The following GNAI1 variants were observed in gnomAD, a reference collection of about 807,000 sequenced individuals.
GNAI1 encodes guanine nucleotide-binding protein G(i) subunit alpha-1.
Under a neutral mutation model 38.9 loss-of-function variants are expected in GNAI1, and 11 were observed. That is an observed-to-expected ratio of 0.28 (90% CI 0.18 to 0.47). The LOEUF is 0.47. GNAI1 is among the 20% of genes least tolerant of loss of function. GNAI1 has a pLI of 0.99. For synonymous variants in GNAI1, 166 were observed against 145.1 expected, an observed-to-expected ratio of 1.14 and a Z score of -1.04; for missense variants, 317 against 436.9, an observed-to-expected ratio of 0.73 and a Z score of 2.45.
At position 80,220,551 on chromosome 7, in the gene GNAI1, T is replaced by C. The variant is rs1342399297; in HGVS notation, c.*3058T>C. On this transcript the variant is annotated 3_prime_UTR_variant, in exon 8 of 8. Coordinates refer to ENST00000649796, the MANE Select transcript of GNAI1 (RefSeq NM_002069.6). ...ACGAGTGAGCCAATCATTGTCCCAGTTGCCATTCTTAAAGTCCCTAAGGCG... is the reference window on the plus strand; with the variant it reads ...ACGAGTGAGCCAATCATTGTCCCAGCTGCCATTCTTAAAGTCCCTAAGGCG... 6.6e-6 allele frequency among the ~76,000 whole-genome samples: 1 copy of C among 152,226 alleles called. No homozygotes were observed. Among genetic ancestry groups the C allele is most frequent in the Non-Finnish European group, 1.5e-5 (1 of 68,032 alleles).
intron 5 of GNAI1, among the ~76,000 whole-genome samples, chr7:80,206,043 T>C (rs1254632441): frequency 6.6e-6 from 1 of 152,112 alleles, no homozygotes; most frequent in Non-Finnish European, 1.5e-5. Flanking sequence ...TAAAGAAGTC[T>C]CACTGTTAGA....
intron 1 of GNAI1, among the ~76,000 whole-genome samples, chr7:80,141,213 A>G (rs1161020124): frequency 6.6e-6 from 1 of 152,138 alleles, no homozygotes; most frequent in East Asian, 1.9e-4. Context: ...CTGGCTCCCA[A>G]AGGCTCATGT....
At chr7:80,169,036 A>G (rs1788059718) in intron 1 of GNAI1, among the ~76,000 whole-genome samples, 1 of 152,170 alleles carries the variant, frequency 6.6e-6, no homozygotes, top group Non-Finnish European at 1.5e-5. Flanking sequence ...AAATGTAACT[A>G]ATAATATTCT....
chr7:80,161,791 G>T (rs2714451), intron 1 of GNAI1, among the ~76,000 whole-genome samples: 1 of 152,116 alleles, frequency 6.6e-6, no homozygotes, highest in Non-Finnish European at 1.5e-5. Context: ...GGTTTATACT[G>T]CTCTTCAAAA....
intron 1 of GNAI1, among the ~76,000 whole-genome samples, chr7:80,139,936 A>C (rs918694626): frequency 1.5e-5 from 2 of 133,372 alleles, no homozygotes; most frequent in African/African-American, 6.0e-5. Context: ...TTTTTTGTAA[A>C]GGTAGATCTC....
At chr7:80,148,436 G>C (rs891631192) in intron 1 of GNAI1, among the ~76,000 whole-genome samples, 2 of 151,908 alleles carry the variant, frequency 1.3e-5, no homozygotes, top group Non-Finnish European at 2.9e-5. Flanking sequence ...GTAGGACTTA[G>C]GCTTTGTAAT....
At chr7:80,197,214 T>G (rs1788593746) in intron 3 of GNAI1, among the ~76,000 whole-genome samples, 1 of 151,260 alleles carries the variant, frequency 6.6e-6, no homozygotes, top group Non-Finnish European at 1.5e-5. Flanking sequence ...TGGAGGACAT[T>G]ATGCTTAGTG....
chr7:80,202,855 G>T (rs2115681190), intron 4 of GNAI1, among the ~76,000 whole-genome samples: 1 of 152,212 alleles, frequency 6.6e-6, no homozygotes, highest in African/African-American at 2.4e-5. Context: ...CCATGCAACT[G>T]TTCCCATCTC....
Position 80,224,112 on chromosome 7 carries a change from C to T in GNAI1, c.*6619C>T, listed in dbSNP as rs955315115. 3.3e-5 allele frequency among the ~76,000 whole-genome samples: 5 copies of T among 152,132 alleles called. No individual in the cohort carries two copies. Among genetic ancestry groups the T allele is most frequent in the Non-Finnish European group, 7.3e-5 (5 of 68,034 alleles). ...AAATGTACTCATATAGTAAGATTTA[C>T]TCAAAACCACGAACTCCTCCATTAT... On this transcript the variant is annotated 3_prime_UTR_variant, in exon 8 of 8. Coordinates refer to ENST00000649796, the MANE Select transcript of GNAI1 (RefSeq NM_002069.6).
chr7:80,191,182 A>G (rs900040117), intron 3 of GNAI1, among the ~76,000 whole-genome samples: 9 of 146,120 alleles, frequency 6.2e-5, no homozygotes, highest in Non-Finnish European at 1.4e-4. Flanking sequence ...TCGTTGGTCT[A>G]CTCCGTGTTT....
In GNAI1 at chr7:80,189,248, G is replaced by T; in HGVS notation, c.303+17G>T. 3 of 1,608,446 alleles carry T rather than the reference G, an allele frequency of 1.9e-6. No homozygotes were observed. Among genetic ancestry groups the T allele is most frequent in the Non-Finnish European group, 2.6e-6 (3 of 1,176,426 alleles). On this transcript the variant is annotated intron_variant, in intron 3 of 7. Transcript: ENST00000649796. Reference sequence around the variant, plus strand: ...GCCCGGGCGGTAAGTTATTAAATTTGTTGGAGCTGACCTGATGGGTAAAAA... The same window carrying T: ...GCCCGGGCGGTAAGTTATTAAATTTTTTGGAGCTGACCTGATGGGTAAAAA...
At chr7:80,182,169 C>T (rs569159049) in intron 1 of GNAI1, among the ~76,000 whole-genome samples, 5 of 152,202 alleles carry the variant, frequency 3.3e-5, no homozygotes, top group South Asian at 2.1e-4. Context: ...CATACTATCA[C>T]GAATGACAGG....
At chr7:80,192,399 C>G (rs192526411) in intron 3 of GNAI1, among the ~76,000 whole-genome samples, 22 of 152,198 alleles carry the variant, frequency 1.4e-4, no homozygotes, top group African/African-American at 4.3e-4. Context: ...ATTAAATAAT[C>G]AGCCTATTCC....
In GNAI1 at chr7:80,212,675, T is replaced by G. The variant is rs550159844; in HGVS notation, c.721-41T>G. 6 of 1,325,452 alleles carry G rather than the reference T, an allele frequency of 4.5e-6. No individual in the cohort carries two copies. The African/African-American group carries it at 9.2e-5, about 20-fold the overall frequency. The allele number at this position is 1,325,452 out of a possible 1,614,324, so 82.1% of individuals were successfully genotyped here. A position where few individuals can be genotyped will look rare whatever the true frequency, so the allele number is the denominator to read the frequency against. The stretch of plus-strand genomic sequence containing the variant: ...TTTTTAAAATAGTCCTCAAAAATCC[T>G]TGCTGTTAGTGACGATTGGTTTTAT... On this transcript the variant is annotated intron_variant, in intron 6 of 7. Transcript: ENST00000649796.
chr7:80,182,378 C>G (rs576947059), intron 1 of GNAI1, among the ~76,000 whole-genome samples: 1 of 152,038 alleles, frequency 6.6e-6, no homozygotes. Flanking sequence ...AGTATGATAC[C>G]TATCTCAGAA....
In GNAI1 at chr7:80,203,626, G is replaced by A. The variant is rs1469978619; in HGVS notation, c.462-78G>A. 1.6e-5 allele frequency: 13 copies of A among 835,034 alleles called. No homozygotes were observed. In the East Asian group the frequency reaches 2.9e-4, roughly 19 times the overall value. 51.7% of individuals were successfully genotyped at this position (835,034 alleles called of 1,614,324 possible). ...TTCAGATTATCGCTTGTATTGAAAT[G>A]TGTTTTAATTTTTGTTTTGGATGAT... On this transcript the variant is annotated intron_variant, in intron 4 of 7. Coordinates refer to ENST00000649796, the MANE Select transcript of GNAI1 (RefSeq NM_002069.6).
chr7:80,135,343 C>T, intron 1 of GNAI1, 65 bp downstream of exon 1: 4 of 994,936 alleles, frequency 4.0e-6, no homozygotes, highest in South Asian at 2.5e-5. Context: ...GCGCGGCCCT[C>T]GGCGTTTGGA....
intron 1 of GNAI1, among the ~76,000 whole-genome samples, chr7:80,158,318 T>G (rs1787854610): frequency 6.6e-6 from 1 of 152,218 alleles, no homozygotes; most frequent in Admixed American, 6.5e-5. Flanking sequence ...ATCAGTATTC[T>G]AATATTTAGC....
intron 1 of GNAI1, among the ~76,000 whole-genome samples, chr7:80,156,167 C>G (rs1347297731): frequency 2.0e-5 from 3 of 151,912 alleles, no homozygotes; most frequent in Non-Finnish European, 4.4e-5. Flanking sequence ...TTTTCTGAGG[C>G]TGTGGTATTC....
Sources: allele counts gnomAD v4.1 joint callset (sites outside exome capture counted in the v4.1 genomes callset), GRCh38; gene constraint gnomAD v4.1.1; transcripts MANE v1.5; gene names NCBI Gene and HGNC (gene_info 2026-07-23, HGNC 2026-07-21).